The following ARID2 variants were observed in gnomAD, a reference collection of about 807,000 sequenced individuals.
The protein encoded by ARID2 is AT-rich interaction domain 2, also known as AT-rich interactive domain-containing protein 2.
ARID2 carries 32 observed loss-of-function variants against 184.6 expected under a neutral mutation model. The observed-to-expected ratio is 0.17, with a 90% CI of 0.13 to 0.23. ARID2 has a LOEUF of 0.23. Among genes scored for constraint, ARID2 ranks in the 10% least tolerant of loss-of-function variants. The pLI is 1.00. For missense variants in ARID2, 1,696 were observed against 2,197.6 expected (o/e 0.77, Z 4.56); for synonymous variants, 836 against 772.6 (o/e 1.08, Z -1.36).
chr12:45,761,518 C>T (rs1761819115), intron 3 of ARID2, among the ~76,000 whole-genome samples: 1 of 152,074 alleles, frequency 6.6e-6, no homozygotes, highest in Non-Finnish European at 1.5e-5. Flanking sequence ...TTTTCTACCT[C>T]AATATTTTGA....
At chr12:45,891,672 TC>T (rs1297465780) in intron 16 of ARID2, 107 bp from the exon 17 acceptor site, 8 of 1,208,866 alleles carry the variant, frequency 6.6e-6, no homozygotes, top group Non-Finnish European at 9.1e-6. Context: ...CCAAAAGTGT[TC>T]AGTACAACTG....
At chr12:45,824,110 G>C (rs944780978) in intron 6 of ARID2, among the ~76,000 whole-genome samples, 1 of 152,020 alleles carries the variant, frequency 6.6e-6, no homozygotes, top group African/African-American at 2.4e-5. Flanking sequence ...TTTATCCCAG[G>C]GATGTAAGGA....
At chr12:45,842,310 CACATGTATATGTATATAT>C (rs1943361104) in intron 11 of ARID2, 1 of 142,090 alleles carries the variant, frequency 7.0e-6, no homozygotes, top group South Asian at 2.2e-4. Flanking sequence ...TATATATACA[CACATGTATATGTATATAT>C]ATACACACAT....
chr12:45,834,260 CTT>C (rs76017277), intron 6 of ARID2, among the ~76,000 whole-genome samples: 1 of 146,162 alleles, frequency 6.8e-6, no homozygotes. Context: ...TTAAATTTAC[CTT>C]TTTTTTTTTT....
chr12:45,896,143 A>G (rs1165569487), intron 20 of ARID2, among the ~76,000 whole-genome samples: 2 of 152,250 alleles, frequency 1.3e-5, no homozygotes, highest in Non-Finnish European at 2.9e-5. Flanking sequence ...TCCTGTTTTC[A>G]TCGTATAGAC....
Position 45,905,512 on chromosome 12 carries a change from G to A in ARID2, c.*434G>A, listed in dbSNP as rs745414058. The A allele has an allele frequency of 1.3e-5, 3 of 233,308 alleles. No individual in the cohort carries two copies. The highest frequency in any genetic ancestry group is 2.5e-5 in the Non-Finnish European group (3 of 118,000). The allele number at this position is 233,308 out of a possible 1,614,324, so 14.5% of individuals were successfully genotyped here. On this transcript the variant is annotated 3_prime_UTR_variant, in exon 21 of 21. Transcript: ENST00000334344. Reference sequence around the variant, plus strand: ...TTATATTTACAAAACCGTTTAAGCTGGTTTGAATAATTTAAAAAAGTTTCA... The same window carrying A: ...TTATATTTACAAAACCGTTTAAGCTAGTTTGAATAATTTAAAAAAGTTTCA...
chr12:45,777,825 ATATATTT>A (rs1942013957), intron 3 of ARID2, among the ~76,000 whole-genome samples: 1 of 148,008 alleles, frequency 6.8e-6, no homozygotes, highest in Non-Finnish European at 1.5e-5. Context: ...TTATATAAAT[ATATATTT>A]TATATTTTAT....
intron 6 of ARID2, among the ~76,000 whole-genome samples, chr12:45,828,370 G>A (rs1290325281): frequency 6.6e-6 from 1 of 152,046 alleles, no homozygotes; most frequent in South Asian, 2.1e-4. Flanking sequence ...ACTGTAAAAA[G>A]CAATAAGGAT....
intron 18 of ARID2, among the ~76,000 whole-genome samples, chr12:45,892,698 C>T (rs923402742): frequency 6.6e-5 from 10 of 152,002 alleles, no homozygotes; most frequent in Admixed American, 4.6e-4. Context: ...TCCTCATATA[C>T]GAGTCAGCAT....
intron 3 of ARID2, among the ~76,000 whole-genome samples, chr12:45,764,511 T>C (rs1172840217): frequency 6.6e-6 from 1 of 152,194 alleles, no homozygotes; most frequent in Non-Finnish European, 1.5e-5. Flanking sequence ...CTGTCCCTTG[T>C]AGTCAGTCCA....
At chr12:45,883,403 A>G (rs1330534682) in intron 16 of ARID2, among the ~76,000 whole-genome samples, 1 of 151,404 alleles carries the variant, frequency 6.6e-6, no homozygotes, top group African/African-American at 2.4e-5. Context: ...AATATTTACA[A>G]TAGTTGGGAA....
Position 45,836,784 on chromosome 12 carries a change from A to G in ARID2, c.816A>G (p.Pro272=), listed in dbSNP as rs745613132. 4 of 1,613,848 alleles carry G rather than the reference A, an allele frequency of 2.5e-6. No homozygotes were observed. The highest frequency in any genetic ancestry group is 4.5e-5 in the East Asian group (2 of 44,870). The part of the protein sequence containing the change: ...GEWIWESLFH[P]PRKLGINDIE... The stretch of plus-strand genomic sequence containing the variant: ...GGATTTGGGAGTCTTTATTTCATCC[A>G]CCTCGAAAGCTGGGCATTAACGATA... The change falls in exon 8 of 21, where the codon CCA becomes CCG. Residue 272 remains proline (P), a synonymous_variant. Coordinates refer to ENST00000334344, the MANE Select transcript of ARID2 (RefSeq NM_152641.4).
At chr12:45,826,206 T>A (rs1356749368) in intron 6 of ARID2, among the ~76,000 whole-genome samples, 1 of 152,154 alleles carries the variant, frequency 6.6e-6, no homozygotes, top group Non-Finnish European at 1.5e-5. Flanking sequence ...CTTTACGTAG[T>A]TCTCTTTATC....
chr12:45,873,692 T>A (rs982026821), intron 16 of ARID2, among the ~76,000 whole-genome samples: 1 of 152,242 alleles, frequency 6.6e-6, no homozygotes, highest in African/African-American at 2.4e-5. Flanking sequence ...AAGTAATGTT[T>A]ACACTATACT....
chr12:45,753,156 G>A (rs1941498433), intron 3 of ARID2, among the ~76,000 whole-genome samples: 1 of 152,098 alleles, frequency 6.6e-6, no homozygotes, highest in Admixed American at 6.5e-5. Flanking sequence ...CCAGCTACTC[G>A]GGAGGCTGAG....
At chr12:45,802,910 T>C (rs1942533154) in intron 3 of ARID2, among the ~76,000 whole-genome samples, 1 of 152,152 alleles carries the variant, frequency 6.6e-6, no homozygotes, top group African/African-American at 2.4e-5. Context: ...TAATAAATGA[T>C]TTTCACATGT....
In ARID2 at chr12:45,746,100, AT is replaced by A. The variant is rs34374158; in HGVS notation, c.284+14801del. 7.0e-3 allele frequency among the ~76,000 whole-genome samples: 987 copies of A among 140,022 alleles called. 6 individuals are homozygous for A. Among genetic ancestry groups the A allele is most frequent in the African/African-American group, 0.017 (644 of 37,750 alleles). The allele number at this position is 140,022 out of a possible 152,430, so 91.9% of individuals were successfully genotyped here. A position where few individuals can be genotyped will look rare whatever the true frequency, so the allele number is the denominator to read the frequency against. ...GAAGTAATAGATAGATTCTGGTTTG[AT>A]TTTTTTTTTTTTTTCCTTTGGAGAC... On this transcript the variant is annotated intron_variant, in intron 3 of 20. Transcript: ENST00000334344.
chr12:45,854,890 A>G (rs756139986), intron 15 of ARID2, among the ~76,000 whole-genome samples: 135 of 152,220 alleles, frequency 8.9e-4, no homozygotes, highest in Admixed American at 2.6e-3. Flanking sequence ...ATTTATTATA[A>G]AGATGAGGAC....
chr12:45,851,232 C>G lies in ARID2; in HGVS notation c.3109C>G (p.Gln1037Glu), dbSNP rs2138169187. 6.2e-7 allele frequency: 1 copy of G among 1,614,192 alleles called. No individual in the cohort carries two copies. The highest frequency in any genetic ancestry group is 8.5e-7 in the Non-Finnish European group (1 of 1,180,024). The change falls in exon 15 of 21, where the codon CAG (glutamine) becomes GAG (glutamate). Residue 1037 changes from glutamine to glutamate, a missense_variant. By Grantham distance (29) the Gln-to-Glu change is conservative. Around this residue, in one of 11 missense-constraint regions of ARID2, gnomAD observed 713 missense variants for 824.4 expected, o/e 0.86. Transcript: ENST00000334344. ...QVQVQQPQQV[Q>E]MQVQPQQSNA... ...ACAAGTTCAGCAGCCCCAACAAGTA[C>G]AGATGCAAGTTCAACCTCAACAGTC...
Sources: allele counts gnomAD v4.1 joint callset (sites outside exome capture counted in the v4.1 genomes callset), GRCh38; gene constraint gnomAD v4.1.1; regional missense constraint gnomAD v4.1.1; transcripts MANE v1.5; gene names NCBI Gene and HGNC (gene_info 2026-07-23, HGNC 2026-07-21).